The following BNC2 variants were observed in gnomAD, a reference collection of about 807,000 sequenced individuals.
BNC2 encodes the protein zinc finger protein basonuclin-2.
Under a neutral mutation model 76.3 loss-of-function variants are expected in BNC2, and 20 were observed. That is an observed-to-expected ratio of 0.26 (90% CI 0.18 to 0.38). The LOEUF (loss-of-function observed/expected upper bound fraction) is 0.38. Ranked by LOEUF, BNC2 falls within the 10% of genes least tolerant of loss-of-function variation. The pLI is 1.00. For synonymous variants in BNC2, 582 were observed against 514.8 expected, an observed-to-expected ratio of 1.13 and a Z score of -1.77; for missense variants, 1,382 against 1,399.8, an observed-to-expected ratio of 0.99 and a Z score of 0.20.
chr9:16,743,015 C>T (rs570942031), intron 1 of BNC2, among the ~76,000 whole-genome samples: 3 of 152,300 alleles, frequency 2.0e-5, no homozygotes, highest in Non-Finnish European at 4.4e-5. Context: ...GACAAAATCC[C>T]CACACCCTGA....
intron 1 of BNC2, among the ~76,000 whole-genome samples, chr9:16,863,135 G>T (rs13285720): frequency 2.6e-5 from 4 of 151,734 alleles, no homozygotes; most frequent in African/African-American, 7.3e-5. Context: ...GGCTGGTCTT[G>T]AACTCCTGAC....
intron 1 of BNC2, among the ~76,000 whole-genome samples, chr9:16,809,194 G>T (rs1398685439): frequency 3.3e-5 from 5 of 152,248 alleles, no homozygotes; most frequent in Non-Finnish European, 1.5e-5. Flanking sequence ...TGCATGTGAT[G>T]GGAGCTGCCG....
In BNC2 at chr9:16,421,201, G is replaced by C. The variant is rs1820702772; in HGVS notation, c.2640-1552C>G. The C allele has an allele frequency of 3.4e-6, 4 of 1,174,428 alleles. No homozygotes were observed. In the South Asian group the frequency reaches 5.4e-5, roughly 16 times the overall value. The allele number at this position is 1,174,428 out of a possible 1,614,324, so 72.8% of individuals were successfully genotyped here. ...CACACAAGACAATATACAGCACTCT[G>C]GGTTTTAAGGGGCAGAGGGCAGCAG... On this transcript the variant is annotated intron_variant, in intron 6 of 6. Coordinates refer to ENST00000380672, the MANE Select transcript of BNC2 (RefSeq NM_017637.6).
At chr9:16,783,283 C>T (rs1009868545) in intron 1 of BNC2, among the ~76,000 whole-genome samples, 1 of 152,130 alleles carries the variant, frequency 6.6e-6, no homozygotes, top group African/African-American at 2.4e-5. Context: ...CTGCACACTG[C>T]TCACCATAAA....
chr9:16,679,400 T>C (rs928956976), intron 3 of BNC2, among the ~76,000 whole-genome samples: 1 of 152,230 alleles, frequency 6.6e-6, no homozygotes, highest in Admixed American at 6.5e-5. Flanking sequence ...ACTTGTTTCA[T>C]TTACAGTATC....
intron 1 of BNC2, among the ~76,000 whole-genome samples, chr9:16,836,702 A>C (rs1818715789): frequency 6.6e-6 from 1 of 152,194 alleles, no homozygotes; most frequent in African/African-American, 2.4e-5. Flanking sequence ...TTTAAAGTGA[A>C]ATTGCTACAA....
chr9:16,678,786 C>CA (rs1233642886), intron 3 of BNC2, among the ~76,000 whole-genome samples: 1 of 151,920 alleles, frequency 6.6e-6, no homozygotes, highest in Non-Finnish European at 1.5e-5. Flanking sequence ...ATTTAGTGCA[C>CA]AAAAACTCAG....
At chr9:16,696,536 G>A (rs1266106888) in intron 3 of BNC2, among the ~76,000 whole-genome samples, 1 of 152,090 alleles carries the variant, frequency 6.6e-6, no homozygotes, top group African/African-American at 2.4e-5. Context: ...ATGTTCCTTA[G>A]GGCTCTAAGC....
chr9:16,506,846 GGTTCAA>G (rs1450159729), intron 5 of BNC2, among the ~76,000 whole-genome samples: 2 of 151,634 alleles, frequency 1.3e-5, no homozygotes, highest in Admixed American at 1.3e-4. Flanking sequence ...CTGCCTCCTG[GGTTCAA>G]GTGATGCTCC....
intron 1 of BNC2, among the ~76,000 whole-genome samples, chr9:16,805,597 G>C (rs2135791761): frequency 6.6e-6 from 1 of 152,210 alleles, no homozygotes; most frequent in South Asian, 2.1e-4. Flanking sequence ...CACAGTGCTG[G>C]GATTACAGGC....
intron 1 of BNC2, among the ~76,000 whole-genome samples, chr9:16,764,165 GCTCACTCA>G (rs1203580279): frequency 2.0e-5 from 3 of 152,132 alleles, no homozygotes; most frequent in Non-Finnish European, 4.4e-5. Flanking sequence ...GGGGTGTGTA[GCTCACTCA>G]CTGCCAGTAA....
intron 3 of BNC2, among the ~76,000 whole-genome samples, chr9:16,632,697 A>C (rs1821198394): frequency 6.6e-6 from 1 of 152,234 alleles, no homozygotes. Flanking sequence ...CACTGAGTAC[A>C]GACTGCCATG....
chr9:16,869,990 G>C (rs527561936), intron 1 of BNC2, among the ~76,000 whole-genome samples: 1 of 152,278 alleles, frequency 6.6e-6, no homozygotes, highest in African/African-American at 2.4e-5. Context: ...ACTTCGAAAA[G>C]AGCCGTCTCT....
At chr9:16,515,662 A>G (rs1241414013) in intron 5 of BNC2, among the ~76,000 whole-genome samples, 2 of 151,300 alleles carry the variant, frequency 1.3e-5, no homozygotes, top group Non-Finnish European at 2.9e-5. Context: ...TCCAGTACAC[A>G]TTCTCTTTGA....
chr9:16,471,303 T>C (rs942564265), intron 5 of BNC2, among the ~76,000 whole-genome samples: 2 of 151,792 alleles, frequency 1.3e-5, no homozygotes, highest in African/African-American at 4.8e-5. Context: ...TTTTTTTTTT[T>C]TTTTTTTTAA....
intron 3 of BNC2, among the ~76,000 whole-genome samples, chr9:16,711,210 A>T (rs1290298270): frequency 1.3e-5 from 2 of 152,200 alleles, no homozygotes; most frequent in Admixed American, 1.3e-4. Context: ...CATTTTTTTA[A>T]ATGAACCTTA....
At chr9:16,796,599 AGGGAAGGGAAG>A (rs1226626829) in intron 1 of BNC2, among the ~76,000 whole-genome samples, 3 of 150,826 alleles carry the variant, frequency 2.0e-5, no homozygotes, top group Non-Finnish European at 4.4e-5. Flanking sequence ...AAGGAAAGGA[AGGGAAGGGAAG>A]GGAAAGGGAA....
intron 5 of BNC2, among the ~76,000 whole-genome samples, chr9:16,457,145 A>G (rs1821469074): frequency 6.6e-6 from 1 of 152,252 alleles, no homozygotes; most frequent in African/African-American, 2.4e-5. Flanking sequence ...ATTACATTAT[A>G]TTCCAAAAAT....
chr9:16,420,039 T>C (rs1820678941), intron 6 of BNC2, among the ~76,000 whole-genome samples: 1 of 152,210 alleles, frequency 6.6e-6, no homozygotes, highest in South Asian at 2.1e-4. Flanking sequence ...ATAGAAACTT[T>C]CTGCTTGTCT....
Sources: gnomAD v4.1 joint callset for allele counts (sites outside exome capture counted in the v4.1 genomes callset) on GRCh38, gnomAD v4.1.1 for gene constraint, MANE v1.5 for transcripts, NCBI Gene and HGNC (gene_info 2026-07-23, HGNC 2026-07-21) for gene names.